Variants in SOX5 observed in about 807,000 individuals in gnomAD.
SOX5 encodes transcription factor SOX-5.
Under a neutral mutation model 92.0 loss-of-function variants are expected in SOX5, and 9 were observed. That is an observed-to-expected ratio of 0.10 (90% CI 0.06 to 0.17). The LOEUF (loss-of-function observed/expected upper bound fraction) is 0.17, where lower values mean the gene tolerates loss of function less well. SOX5 is among the 10% of genes least tolerant of loss of function. The pLI is 1.00. For synonymous variants in SOX5, 344 were observed against 336.3 expected (o/e 1.02, Z -0.25); for missense variants, 642 against 944.5 (o/e 0.68, Z 4.20).
chr12:24,043,821 A>G (rs572991824), intron 4 of SOX5, among the ~76,000 whole-genome samples: 1 of 147,390 alleles, frequency 6.8e-6, no homozygotes, highest in South Asian at 2.1e-4. Context: ...GAGAAGAACA[A>G]TATATAATTT....
chr12:23,677,203 G>T (rs1221497715), intron 6 of SOX5, among the ~76,000 whole-genome samples: 2 of 151,894 alleles, frequency 1.3e-5, no homozygotes, highest in Non-Finnish European at 2.9e-5. Flanking sequence ...TTTCCATTCT[G>T]CTCCTCAGAT....
At chr12:23,952,953 T>C (rs183238803), upstream of SOX5, among the ~76,000 whole-genome samples, 21 of 152,232 alleles carry the variant, frequency 1.4e-4, 1 homozygote, top group East Asian at 3.9e-3. Flanking sequence ...CCAGAATTTA[T>C]AGTTAGATGA....
chr12:23,987,724 T>C (rs539010130), intron 4 of SOX5, among the ~76,000 whole-genome samples: 73 of 152,248 alleles, frequency 4.8e-4, no homozygotes, highest in Non-Finnish European at 9.1e-4. Context: ...GCCAAGGATG[T>C]AGAGGTTGCA....
In SOX5 at chr12:24,430,187, G is replaced by A. The variant is rs111554470; in HGVS notation, c.-250-61548C>T. ...GATGCTTCCTTAAAGAAAGCCTAAC[G>A]CATAATTTTTGCAAGATGCCAAAAT... On this transcript the variant is annotated intron_variant, in intron 1 of 4. Coordinates refer to the SOX5 transcript ENST00000446891. Among the ~76,000 whole-genome samples the A allele has an allele frequency of 1.5e-3, 234 of 152,150 alleles. 1 individual carries two copies. The highest frequency in any genetic ancestry group is 5.1e-3 in the African/African-American group (212 of 41,532).
At chr12:23,823,086 C>A (rs1422338358) in intron 3 of SOX5, among the ~76,000 whole-genome samples, 1 of 152,118 alleles carries the variant, frequency 6.6e-6, no homozygotes, top group Non-Finnish European at 1.5e-5. Flanking sequence ...CAGTCTGTGC[C>A]TTTTAATTGG....
At chr12:24,560,253 T>A (rs1432318678) in intron 1 of SOX5, among the ~76,000 whole-genome samples, 4 of 152,148 alleles carry the variant, frequency 2.6e-5, no homozygotes, top group Non-Finnish European at 5.9e-5. Context: ...ATTATGCACA[T>A]CCCTTCCCAC....
At chr12:24,187,446 A>G (rs1356771662) in intron 4 of SOX5, among the ~76,000 whole-genome samples, 1 of 152,242 alleles carries the variant, frequency 6.6e-6, no homozygotes, top group Admixed American at 6.5e-5. Context: ...TACATCAAAG[A>G]AAAGCATCAA....
At chr12:24,516,747 C>A (rs1303209743) in intron 1 of SOX5, among the ~76,000 whole-genome samples, 1 of 152,126 alleles carries the variant, frequency 6.6e-6, no homozygotes, top group Non-Finnish European at 1.5e-5. Context: ...TCTTTATAAT[C>A]TCTGTACATG....
At chr12:23,616,937 T>C (rs951301596) in intron 8 of SOX5, among the ~76,000 whole-genome samples, 2 of 151,866 alleles carry the variant, frequency 1.3e-5, no homozygotes, top group African/African-American at 2.4e-5. Context: ...CTGGGCAACA[T>C]AGCGAAACCC....
At chr12:23,769,309 G>C (rs1230175164) in intron 3 of SOX5, among the ~76,000 whole-genome samples, 1 of 151,126 alleles carries the variant, frequency 6.6e-6, no homozygotes, top group East Asian at 1.9e-4. Context: ...TTGTTGACGT[G>C]ACATATAAAG....
intron 1 of SOX5, among the ~76,000 whole-genome samples, chr12:24,403,917 A>C (rs1962328281): frequency 6.6e-6 from 1 of 150,928 alleles, no homozygotes. Context: ...GCCATCTGGA[A>C]TAAAATAGTG....
chr12:23,613,935 G>A (rs1039555066), intron 8 of SOX5, among the ~76,000 whole-genome samples: 1 of 152,138 alleles, frequency 6.6e-6, no homozygotes, highest in African/African-American at 2.4e-5. Context: ...GGACAGGTTT[G>A]AATTTAGAAT....
intron 2 of SOX5, among the ~76,000 whole-genome samples, chr12:24,364,617 G>A (rs1328163841): frequency 2.0e-5 from 3 of 148,982 alleles, no homozygotes; most frequent in Non-Finnish European, 4.4e-5. Flanking sequence ...ATTGATGACT[G>A]ATACTACTAT....
intron 3 of SOX5, among the ~76,000 whole-genome samples, chr12:24,235,918 G>A (rs1038716291): frequency 5.3e-5 from 8 of 152,106 alleles, no homozygotes; most frequent in South Asian, 4.1e-4. Context: ...GGCTGGGTGT[G>A]GTGGCTCACG....
chr12:23,668,424 T>C (rs2084206094), intron 6 of SOX5, among the ~76,000 whole-genome samples: 2 of 152,160 alleles, frequency 1.3e-5, no homozygotes, highest in South Asian at 4.1e-4. Flanking sequence ...TATTCCTATA[T>C]CTTGATGGAT....
At chr12:23,782,604 T>C (rs1296456238) in intron 3 of SOX5, among the ~76,000 whole-genome samples, 1 of 152,178 alleles carries the variant, frequency 6.6e-6, no homozygotes, top group African/African-American at 2.4e-5. Flanking sequence ...AGGCCATCCC[T>C]ATTGTTGAAG....
chr12:24,154,696 CAT>C (rs1951993557), intron 4 of SOX5, among the ~76,000 whole-genome samples: 1 of 151,864 alleles, frequency 6.6e-6, no homozygotes, highest in African/African-American at 2.4e-5. Flanking sequence ...GTATAAACAA[CAT>C]ATAAAAAACC....
intron 6 of SOX5, among the ~76,000 whole-genome samples, chr12:23,696,128 C>T (rs998657456): frequency 5.3e-5 from 8 of 151,972 alleles, no homozygotes; most frequent in Admixed American, 1.3e-4. Flanking sequence ...CCTTGACATA[C>T]CTTCATGTGG....
At chr12:23,798,113 A>G (rs2095597873) in intron 3 of SOX5, among the ~76,000 whole-genome samples, 1 of 151,562 alleles carries the variant, frequency 6.6e-6, no homozygotes, top group Non-Finnish European at 1.5e-5. Context: ...TTTTTCCTAT[A>G]TTGCTTATTG....
Sources: gnomAD v4.1 joint callset for allele counts (sites outside exome capture counted in the v4.1 genomes callset) on GRCh38, gnomAD v4.1.1 for gene constraint, MANE v1.5 for transcripts, NCBI Gene and HGNC (gene_info 2026-07-23, HGNC 2026-07-21) for gene names.